SLCO1B1: variants seen among roughly 807,000 people sequenced by gnomAD.
The protein encoded by SLCO1B1 is solute carrier organic anion transporter family member 1B1.
SLCO1B1 carries 81 observed loss-of-function variants against 70.1 expected under a neutral mutation model. That is an observed-to-expected ratio of 1.16 (90% CI 0.97 to 1.39). The LOEUF (loss-of-function observed/expected upper bound fraction) is 1.39. Among genes scored for constraint, SLCO1B1 ranks in the 40% most tolerant of loss-of-function variants. The pLI, the probability that SLCO1B1 is intolerant of heterozygous loss-of-function variation, is 0.00. For synonymous variants in SLCO1B1, 283 were observed against 271.5 expected, an observed-to-expected ratio of 1.04 and a Z score of -0.42; for missense variants, 895 against 799.6, an observed-to-expected ratio of 1.12 and a Z score of -1.44.
intron 7 of SLCO1B1, among the ~76,000 whole-genome samples, chr12:21,180,743 A>G (rs1940885542): frequency 1.3e-5 from 2 of 152,192 alleles, no homozygotes; most frequent in African/African-American, 4.8e-5. Context: ...GCTACACATT[A>G]TGTACATTAT....
rs370927750 is a variant in SLCO1B1, at chr12:21,188,682, AGT to A, written c.728-8259_728-8258del. On this transcript the variant is annotated intron_variant, in intron 7 of 14. Transcript: ENST00000256958. ...TTCTCATGAGATTTATTTGCTCAAAAGTGTGTAATACCTCCCCCCTCTCTTCT... is the reference window on the plus strand; with the variant it reads ...TTCTCATGAGATTTATTTGCTCAAAAGTGTAATACCTCCCCCCTCTCTTCT... Among the ~76,000 whole-genome samples, 280 of 152,214 alleles carry A rather than the reference AGT, an allele frequency of 1.8e-3. 2 individuals carry two copies. The highest frequency in any genetic ancestry group is 6.4e-3 in the African/African-American group (267 of 41,554).
intron 11 of SLCO1B1, among the ~76,000 whole-genome samples, chr12:21,206,374 G>T: frequency 6.6e-6 from 1 of 151,756 alleles, no homozygotes; most frequent in South Asian, 2.1e-4. Flanking sequence ...CATTAAGTTG[G>T]AATTACTTTA....
intron 14 of SLCO1B1, among the ~76,000 whole-genome samples, chr12:21,232,140 A>G (rs1941545015): frequency 6.6e-6 from 1 of 152,220 alleles, no homozygotes; most frequent in Admixed American, 6.5e-5. Context: ...AAAAGCCACA[A>G]GAATATCAAA....
Position 21,239,609 on chromosome 12 carries a change from A to G in SLCO1B1, c.*420A>G, listed in dbSNP as rs1397860523. On this transcript the variant is annotated 3_prime_UTR_variant, in exon 15 of 15. Coordinates refer to ENST00000256958, the MANE Select transcript of SLCO1B1 (RefSeq NM_006446.5). ...TCTATTTTATTAAACAAACAAACAC[A>G]GAGTTTGAACTATAATACTAAGGCC... 1.3e-5 allele frequency among the ~76,000 whole-genome samples: 2 copies of G among 152,218 alleles called. No homozygotes were observed. The highest frequency in any genetic ancestry group is 2.9e-5 in the Non-Finnish European group (2 of 68,024).
At chr12:21,156,063 T>C (rs1940539078) in intron 2 of SLCO1B1, among the ~76,000 whole-genome samples, 1 of 152,156 alleles carries the variant, frequency 6.6e-6, no homozygotes, top group Admixed American at 6.5e-5. Context: ...CCATGTATTT[T>C]AATAGGGAAA....
At chr12:21,134,264 T>A (rs1940183813) in intron 1 of SLCO1B1, among the ~76,000 whole-genome samples, 1 of 152,220 alleles carries the variant, frequency 6.6e-6, no homozygotes, top group Admixed American at 6.5e-5. Flanking sequence ...TTTGCATCAA[T>A]GTTCATCAAG....
rs575627197 is a variant in SLCO1B1, at chr12:21,170,349, G to T, written c.85-2301G>T. Among the ~76,000 whole-genome samples, 27 of 152,310 alleles carry T rather than the reference G, an allele frequency of 1.8e-4. No homozygotes were observed. In the South Asian group the frequency reaches 5.4e-3, roughly 30 times the overall value. On this transcript the variant is annotated intron_variant, in intron 2 of 14. Transcript: ENST00000256958. ...GATAGCCTGGAGGTACAGAAACCTT[G>T]TAATTGGTTCTGAAGTTCTCACAGA...
chr12:21,207,164 GGGATACAAATGAA>G (rs1475000986), intron 11 of SLCO1B1, among the ~76,000 whole-genome samples: 1 of 151,826 alleles, frequency 6.6e-6, no homozygotes, highest in East Asian at 1.9e-4. Context: ...TTAGGTAAAG[GGGATACAAATGAA>G]TTTGTGTTAG....
chr12:21,209,041 T>C (rs915146700), intron 11 of SLCO1B1, among the ~76,000 whole-genome samples: 1 of 151,874 alleles, frequency 6.6e-6, no homozygotes, highest in Non-Finnish European at 1.5e-5. Flanking sequence ...TTTAGGGTTT[T>C]TTTTTAATTA....
chr12:21,162,366 A>G (rs1213080058), intron 2 of SLCO1B1, among the ~76,000 whole-genome samples: 1 of 152,226 alleles, frequency 6.6e-6, no homozygotes, highest in Non-Finnish European at 1.5e-5. Flanking sequence ...TATTACAAAG[A>G]TATTCATTGA....
At chr12:21,158,420 G>C (rs1237886499) in intron 2 of SLCO1B1, among the ~76,000 whole-genome samples, 4 of 152,190 alleles carry the variant, frequency 2.6e-5, no homozygotes, top group Non-Finnish European at 5.9e-5. Context: ...CATTAGGCTA[G>C]GTGCGTGGCT....
At chr12:21,196,440 T>C (rs74064196) in intron 7 of SLCO1B1, among the ~76,000 whole-genome samples, 1,544 of 152,298 alleles carry the variant, frequency 0.01, 34 homozygotes, top group South Asian at 0.039. Flanking sequence ...ATATTTTCAC[T>C]GTATTTTCTT....
intron 2 of SLCO1B1, among the ~76,000 whole-genome samples, chr12:21,163,825 G>A (rs943741019): frequency 6.6e-6 from 1 of 152,110 alleles, no homozygotes; most frequent in Non-Finnish European, 1.5e-5. Context: ...ATGCGCATTT[G>A]AGAGGGACAC....
At chr12:21,209,279 A>G (rs1295693799) in intron 11 of SLCO1B1, among the ~76,000 whole-genome samples, 1 of 151,744 alleles carries the variant, frequency 6.6e-6, no homozygotes, top group South Asian at 2.1e-4. Flanking sequence ...TCATTGTTCA[A>G]TTCCCACCTA....
chr12:21,225,194 A>T lies in SLCO1B1; in HGVS notation c.1865+355A>T, dbSNP rs540242302. 2.0e-5 allele frequency among the ~76,000 whole-genome samples: 3 copies of T among 152,258 alleles called. No homozygotes were observed. The South Asian group carries it at 6.2e-4, about 32-fold the overall frequency. ...ATATAAGGATAAATATACACATGTA[A>T]ATATAGACACAGACATATATATATG... On this transcript the variant is annotated intron_variant, in intron 14 of 14. Coordinates refer to ENST00000256958, the MANE Select transcript of SLCO1B1 (RefSeq NM_006446.5).
At chr12:21,202,210 G>A (rs777328548) in intron 9 of SLCO1B1, among the ~76,000 whole-genome samples, 1 of 152,108 alleles carries the variant, frequency 6.6e-6, no homozygotes, top group African/African-American at 2.4e-5. Context: ...GGACTGTTGA[G>A]GGGTGGGAAG....
chr12:21,174,976 A>T (rs1323270063), intron 4 of SLCO1B1, among the ~76,000 whole-genome samples: 1 of 152,174 alleles, frequency 6.6e-6, no homozygotes, highest in Non-Finnish European at 1.5e-5. Context: ...TATAACGTAT[A>T]TACTGTACGT....
In SLCO1B1 at chr12:21,200,282, G is replaced by A. The variant is rs571967802; in HGVS notation, c.971-226G>A. 1.7e-3 allele frequency among the ~76,000 whole-genome samples: 266 copies of A among 152,200 alleles called. 2 individuals are homozygous for A. The highest frequency in any genetic ancestry group is 5.6e-3 in the Admixed American group (85 of 15,272). ...ACAGCACTTACGTATGACCCTATTT[G>A]AGGGTAAAATAAACTAAACTAATAA... is the stretch of plus-strand genomic sequence containing the variant. On this transcript the variant is annotated intron_variant, in intron 8 of 14. Coordinates refer to ENST00000256958, the MANE Select transcript of SLCO1B1 (RefSeq NM_006446.5).
intron 1 of SLCO1B1, among the ~76,000 whole-genome samples, chr12:21,132,057 G>T (rs971255572): frequency 1.3e-5 from 2 of 151,810 alleles, no homozygotes; most frequent in Non-Finnish European, 2.9e-5. Flanking sequence ...TCATTGTTCA[G>T]TTCCCACCTA....
Sources: gnomAD v4.1 joint callset for allele counts (sites outside exome capture counted in the v4.1 genomes callset) on GRCh38, gnomAD v4.1.1 for gene constraint, MANE v1.5 for transcripts, NCBI Gene and HGNC (gene_info 2026-07-23, HGNC 2026-07-21) for gene names.